Variants in URI1 observed in about 807,000 individuals in gnomAD.
URI1 encodes the protein URI1 prefoldin like chaperone, also known as unconventional prefoldin RPB5 interactor 1.
URI1 carries 39 observed loss-of-function variants against 60.2 expected under a neutral mutation model. That is an observed-to-expected ratio of 0.65 (90% confidence interval 0.50 to 0.85). URI1 has a LOEUF of 0.85. Ranked by LOEUF, URI1 falls within the 40% of genes least tolerant of loss-of-function variation. The probability of loss-of-function intolerance (pLI) is 0.00; values close to 1 mark genes in which losing one functional copy is unlikely to be tolerated. For synonymous variants in URI1, 251 were observed against 236.8 expected, an observed-to-expected ratio of 1.06 and a Z score of -0.55; for missense variants, 691 against 665.9, an observed-to-expected ratio of 1.04 and a Z score of -0.42.
intron 4 of URI1, among the ~76,000 whole-genome samples, chr19:30,001,556 AC>A (rs147373790): frequency 6.5e-4 from 98 of 151,922 alleles, no homozygotes; most frequent in African/African-American, 2.3e-3. Flanking sequence ...GAAAGGAGAA[AC>A]CTTTCTTGTG....
chr19:29,942,196 G>A, upstream of URI1: 1 of 983,278 alleles, frequency 1.0e-6, no homozygotes, highest in Non-Finnish European at 1.2e-6. Context: ...TGTCGGGGGC[G>A]GGGCCTGCGC....
At chr19:29,938,597 C>A (rs748373329), upstream of URI1, among the ~76,000 whole-genome samples, 2 of 152,186 alleles carry the variant, frequency 1.3e-5, no homozygotes, top group Non-Finnish European at 2.9e-5. Flanking sequence ...ACTCTTGTCT[C>A]CCATTCCCAG....
At chr19:29,955,244 G>A (rs912025837) in intron 1 of URI1, among the ~76,000 whole-genome samples, 15 of 151,952 alleles carry the variant, frequency 9.9e-5, no homozygotes, top group African/African-American at 3.4e-4. Context: ...GATTACAGGC[G>A]TGAGCCACCG....
At chr19:30,011,872 G>T (rs2056024706) in intron 9 of URI1, among the ~76,000 whole-genome samples, 1 of 143,778 alleles carries the variant, frequency 7.0e-6, no homozygotes, top group African/African-American at 2.6e-5. Context: ...CACAGGGTGG[G>T]GAACACCACA....
At chr19:29,970,704 C>T (rs1378945404) in intron 1 of URI1, among the ~76,000 whole-genome samples, 1 of 151,946 alleles carries the variant, frequency 6.6e-6, no homozygotes, top group Non-Finnish European at 1.5e-5. Context: ...TCACTGAATT[C>T]ATTTTTTAAT....
chr19:29,973,856 A>T (rs576693632), intron 2 of URI1, among the ~76,000 whole-genome samples: 21 of 152,300 alleles, frequency 1.4e-4, no homozygotes, highest in African/African-American at 4.3e-4. Context: ...AATGGTTTTC[A>T]GTTTAGTGAG....
chr19:30,004,042 G>C (rs2055909356), intron 4 of URI1, among the ~76,000 whole-genome samples: 2 of 151,930 alleles, frequency 1.3e-5, no homozygotes, highest in African/African-American at 4.8e-5. Flanking sequence ...GAGTTATTAG[G>C]CTGTCTGAGT....
At chr19:29,942,157 C>G (rs984849323), upstream of URI1, 2 of 966,180 alleles carry the variant, frequency 2.1e-6, no homozygotes, top group African/African-American at 3.5e-5. Flanking sequence ...GCGCACTCCC[C>G]TGGGGGCGGG....
At chr19:30,012,636 A>C in intron 10 of URI1, 105 bp downstream of exon 10, 1 of 1,379,488 alleles carries the variant, frequency 7.2e-7, no homozygotes, top group Non-Finnish European at 9.7e-7. Context: ...TAGGTTTTAT[A>C]CTTTCTTGGT....
chr19:29,999,268 A>T (rs2055849263), intron 4 of URI1, among the ~76,000 whole-genome samples: 1 of 152,078 alleles, frequency 6.6e-6, no homozygotes, highest in Admixed American at 6.6e-5. Context: ...CCTTTATCAG[A>T]GATCTGTGTT....
chr19:29,969,474 G>A (rs1254878242), intron 1 of URI1, among the ~76,000 whole-genome samples: 1 of 152,124 alleles, frequency 6.6e-6, no homozygotes, highest in Non-Finnish European at 1.5e-5. Context: ...CTTTAACACC[G>A]TCACTAATGG....
intron 1 of URI1, among the ~76,000 whole-genome samples, chr19:29,968,558 A>AT (rs2055417670): frequency 7.7e-6 from 1 of 130,370 alleles, no homozygotes; most frequent in Non-Finnish European, 1.6e-5. Context: ...AAATTTACTA[A>AT]TTTTTTCTTT....
intron 2 of URI1, among the ~76,000 whole-genome samples, chr19:29,972,341 T>G (rs1013877292): frequency 2.6e-5 from 4 of 152,142 alleles, no homozygotes; most frequent in African/African-American, 9.6e-5. Flanking sequence ...TAATGGACCA[T>G]TCGCCTTTCA....
At chr19:30,003,582 AAATGG>A (rs1483059069) in intron 4 of URI1, among the ~76,000 whole-genome samples, 3 of 152,088 alleles carry the variant, frequency 2.0e-5, no homozygotes. Flanking sequence ...TTTGTTTCTT[AAATGG>A]AATATTCACA....
intron 1 of URI1, chr19:29,956,912 A>T: frequency 1.7e-6 from 2 of 1,146,006 alleles, no homozygotes; most frequent in Non-Finnish European, 1.3e-6. Context: ...GCCCTTTATG[A>T]TAACTGTGCG....
chr19:29,949,059 C>T (rs2145245516), intron 1 of URI1, among the ~76,000 whole-genome samples: 1 of 148,500 alleles, frequency 6.7e-6, no homozygotes, highest in Admixed American at 6.7e-5. Flanking sequence ...GGGGCTGCCC[C>T]CCGCCTCCCG....
rs577441276 is a variant in URI1 at position 29,942,369 on chromosome 19, G to C, written c.-179G>C. Reference sequence around the variant, plus strand: ...CGGCGGCGGGGACATGCACGTGTGAGATGCGGCAGCGGGCGGCGCGGACGC... The same window carrying C: ...CGGCGGCGGGGACATGCACGTGTGACATGCGGCAGCGGGCGGCGCGGACGC... On this transcript the variant is annotated 5_prime_UTR_variant, in exon 1 of 11. Coordinates refer to ENST00000392271, the MANE Select transcript of URI1 (RefSeq NM_003796.3). 1 of 984,574 alleles carries C rather than the reference G, an allele frequency of 1.0e-6. No individual in the cohort carries two copies. The highest frequency in any genetic ancestry group is 1.2e-6 in the Non-Finnish European group (1 of 829,608). The allele number at this position is 984,574 out of a possible 1,614,324, so 61.0% of individuals were successfully genotyped here. A position where few individuals can be genotyped will look rare whatever the true frequency, so the allele number is the denominator to read the frequency against.
intron 1 of URI1, among the ~76,000 whole-genome samples, chr19:29,952,322 T>C (rs1320263978): frequency 6.6e-6 from 1 of 152,224 alleles, no homozygotes; most frequent in African/African-American, 2.4e-5. Flanking sequence ...AACAATGAGA[T>C]TATCCAGGTT....
At position 29,986,227 on chromosome 19, in the gene URI1, T is replaced by C. The variant is rs1479337955; in HGVS notation, c.232-55T>C. ...TTTTAATGCGAAGTGTTTTATAAAATGTACTTTTCAGTGTTTTATGTTTTT... is the reference window on the plus strand; with the variant it reads ...TTTTAATGCGAAGTGTTTTATAAAACGTACTTTTCAGTGTTTTATGTTTTT... On this transcript the variant is annotated intron_variant, in intron 3 of 10. Transcript: ENST00000392271. 13 of 1,467,102 alleles carry C rather than the reference T, an allele frequency of 8.9e-6. No homozygotes were observed. The East Asian group carries it at 1.3e-4, about 15-fold the overall frequency. The allele number at this position is 1,467,102 out of a possible 1,614,324, so 90.9% of individuals were successfully genotyped here.
Sources: gnomAD v4.1 joint callset for allele counts (sites outside exome capture counted in the v4.1 genomes callset) on GRCh38, gnomAD v4.1.1 for gene constraint, MANE v1.5 for transcripts, NCBI Gene and HGNC (gene_info 2026-07-23, HGNC 2026-07-21) for gene names.